FLNB: variants seen among roughly 807,000 people sequenced by gnomAD.
The protein encoded by FLNB is filamin B, also known as filamin-B.
In FLNB, 111 loss-of-function variants were observed where a neutral mutation model predicts 250.6. The ratio of observed to expected loss-of-function variants is 0.44; its 90% confidence interval spans 0.38 to 0.52. The LOEUF is 0.52. Among genes scored for constraint, FLNB ranks in the 20% least tolerant of loss-of-function variants. FLNB has a pLI of 0.00. For missense variants in FLNB, 2,869 were observed against 3,447.8 expected (o/e 0.83, Z 4.20); for synonymous variants, 1,302 against 1,372.1 (o/e 0.95, Z 1.13).
chr3:58,149,725 ATTGC>A lies in FLNB; in HGVS notation c.6092-122_6092-119del, dbSNP rs564543851. 2.9e-3 allele frequency: 3,678 copies of A among 1,274,858 alleles called. 10 individuals carry two copies. Among genetic ancestry groups the A allele is most frequent in the Admixed American group, 4.8e-3 (246 of 51,154 alleles). The allele number at this position is 1,274,858 out of a possible 1,614,324, so 79.0% of individuals were successfully genotyped here. A position where few individuals can be genotyped will look rare whatever the true frequency, so the allele number is the denominator to read the frequency against. The stretch of plus-strand genomic sequence containing the variant: ...TCTGGGCTTTGCAAACGAGGCCGCC[ATTGC>A]TTTCTTTCTGCTATGTAGAAATAGA... On this transcript the variant is annotated intron_variant, in intron 36 of 45. Transcript: ENST00000295956.
At chr3:58,111,671 G>A in intron 16 of FLNB, 120 bp from the exon 17 acceptor site, 1 of 746,542 alleles carries the variant, frequency 1.3e-6, no homozygotes, top group Admixed American at 2.0e-5. Flanking sequence ...TGTGGTAATA[G>A]AAGTCTGCTC....
chr3:58,121,196 C>T lies in FLNB; in HGVS notation c.2864-45C>T, dbSNP rs774269138. ...TCTGTGCTCTGGATTGTTCCTGCTG[C>T]TGAAAAGGGTCAGCTCTTCACCTCA... On this transcript the variant is annotated intron_variant, in intron 19 of 45. Transcript: ENST00000295956. The T allele has an allele frequency of 9.9e-6, 16 of 1,613,540 alleles. 1 individual carries two copies. Among genetic ancestry groups the T allele is most frequent in the Middle Eastern group, 3.3e-4 (2 of 6,042 alleles).
At chr3:58,018,860 G>A (rs1306008810) in intron 1 of FLNB, among the ~76,000 whole-genome samples, 2 of 151,122 alleles carry the variant, frequency 1.3e-5, no homozygotes, top group Admixed American at 1.3e-4. Flanking sequence ...TAGGTGTGGT[G>A]GTACATGCCT....
rs1248023848 is a variant in FLNB, at chr3:58,042,892, A to C, written c.292+34036A>C. Among the ~76,000 whole-genome samples, 3 of 151,882 alleles carry C rather than the reference A, an allele frequency of 2.0e-5. No individual in the cohort carries two copies. In the East Asian group the frequency reaches 5.8e-4, roughly 29 times the overall value. On this transcript the variant is annotated intron_variant, in intron 1 of 45. Transcript: ENST00000295956. ...ACCCGACTTGTGATTTTCTACTGGG[A>C]ATGTTTGTTTGTGATGGTTAGCAGG...
intron 1 of FLNB, among the ~76,000 whole-genome samples, chr3:58,072,060 A>G (rs1402445153): frequency 6.6e-6 from 1 of 152,230 alleles, no homozygotes; most frequent in African/African-American, 2.4e-5. Context: ...CAGAATTTGC[A>G]GTAGCTCAAA....
intron 24 of FLNB, among the ~76,000 whole-genome samples, chr3:58,128,429 T>C (rs1355219426): frequency 6.6e-6 from 1 of 152,156 alleles, no homozygotes; most frequent in Non-Finnish European, 1.5e-5. Flanking sequence ...ATCACTAGTC[T>C]AGGGGACTTC....
At position 58,094,888 on chromosome 3, in the gene FLNB, C is replaced by A. The variant is rs1471477791; in HGVS notation, c.840C>A (p.Asp280Glu). ...MVKQPAKFTV[D>E]TISAGQGDVM... The stretch of plus-strand genomic sequence containing the variant: ...AGCAGCCAGCCAAGTTCACTGTGGA[C>A]ACCATCAGCGCCGGGCAAGGAGACG... Residue 280 changes from aspartate (D) to glutamate (E), a missense_variant, in exon 5 of 46, where the codon GAC (aspartate) becomes GAA (glutamate). By Grantham distance (45) the Asp-to-Glu change is conservative. Around this residue, in one of 5 missense-constraint regions of FLNB, gnomAD observed 308 missense variants for 466.1 expected, o/e 0.66. Transcript: ENST00000295956. 6.2e-7 allele frequency: 1 copy of A among 1,614,150 alleles called. No individual in the cohort carries two copies. The highest frequency in any genetic ancestry group is 2.2e-5 in the East Asian group (1 of 44,878).
intron 8 of FLNB, among the ~76,000 whole-genome samples, chr3:58,099,825 ACT>A (rs1486117983): frequency 2.0e-5 from 3 of 151,178 alleles, no homozygotes; most frequent in African/African-American, 4.9e-5. Context: ...ATTTTAGGAA[ACT>A]CTGTGCAGGT....
chr3:58,141,949 C>T lies in FLNB; in HGVS notation c.5181+20C>T. The T allele has an allele frequency of 6.2e-7, 1 of 1,606,334 alleles. No homozygotes were observed. Among genetic ancestry groups the T allele is most frequent in the Non-Finnish European group, 8.5e-7 (1 of 1,172,924 alleles). ...CCCTGGGTACAATTTTGGTTTTTTC[C>T]TTTTTGTGTTTCTGTGTTTACTCAG... On this transcript the variant is annotated intron_variant, in intron 30 of 45. Transcript: ENST00000295956.
At chr3:58,155,864 T>C in intron 40 of FLNB, 96 bp from the exon 41 acceptor site, 1 of 806,470 alleles carries the variant, frequency 1.2e-6, no homozygotes, top group Non-Finnish European at 2.1e-6. Flanking sequence ...TGAGGAGGGC[T>C]GGGTCTCTCT....
intron 39 of FLNB, 64 bp downstream of exon 39, chr3:58,153,705 C>T: frequency 2.5e-6 from 4 of 1,586,862 alleles, no homozygotes; most frequent in South Asian, 1.1e-5. Context: ...AGTGTGGGCA[C>T]CCACATACTT....
At chr3:58,019,309 C>G (rs1262237554) in intron 1 of FLNB, among the ~76,000 whole-genome samples, 2 of 152,178 alleles carry the variant, frequency 1.3e-5, no homozygotes, top group African/African-American at 4.8e-5. Context: ...AGCCCCACTC[C>G]CTGTCTGTCC....
intron 1 of FLNB, among the ~76,000 whole-genome samples, chr3:58,073,911 T>C (rs1337917457): frequency 1.3e-5 from 2 of 152,230 alleles, no homozygotes; most frequent in Non-Finnish European, 2.9e-5. Context: ...TGAGGCCTTC[T>C]GCATAGGCAA....
At chr3:58,079,289 G>T (rs1359035807) in intron 3 of FLNB, among the ~76,000 whole-genome samples, 2 of 141,150 alleles carry the variant, frequency 1.4e-5, no homozygotes, top group Admixed American at 7.3e-5. Context: ...GTCTCGCTTT[G>T]TCGCCCAGGC....
chr3:58,080,351 G>A (rs1331598479), intron 3 of FLNB, among the ~76,000 whole-genome samples: 1 of 152,190 alleles, frequency 6.6e-6, no homozygotes, highest in Non-Finnish European at 1.5e-5. Context: ...ACTGGAGGCA[G>A]GGAGGACTCT....
intron 1 of FLNB, among the ~76,000 whole-genome samples, chr3:58,043,102 T>C (rs1010254947): frequency 6.6e-6 from 1 of 151,818 alleles, no homozygotes; most frequent in South Asian, 2.1e-4. Context: ...AAACTCTAGC[T>C]ATGTAAACTG....
chr3:58,042,649 G>A (rs1216997902), intron 1 of FLNB, among the ~76,000 whole-genome samples: 1 of 151,932 alleles, frequency 6.6e-6, no homozygotes, highest in Non-Finnish European at 1.5e-5. Flanking sequence ...CAAGTAGCTG[G>A]GAGGCTACTT....
chr3:58,083,745 T>G (rs906966498), intron 4 of FLNB, among the ~76,000 whole-genome samples: 1 of 152,190 alleles, frequency 6.6e-6, no homozygotes, highest in South Asian at 2.1e-4. Context: ...GACCGGCAGA[T>G]AGTTCTGGAA....
chr3:58,131,997 G>A lies in FLNB; in HGVS notation c.4391-811G>A, dbSNP rs60183346. Reference sequence around the variant, plus strand: ...TTTCAGAGTTCTTTAAAGGTGACCCGAAGGGTGACTTTAATAAGACAGGTT... The same window carrying A: ...TTTCAGAGTTCTTTAAAGGTGACCCAAAGGGTGACTTTAATAAGACAGGTT... On this transcript the variant is annotated intron_variant, in intron 25 of 45. Coordinates refer to ENST00000295956, the MANE Select transcript of FLNB (RefSeq NM_001457.4). The A allele has an allele frequency of 0.033, 51,047 of 1,535,806 alleles. 3,297 individuals carry two copies. In the East Asian group the frequency reaches 0.34, roughly 10 times the overall value.
Sources: gnomAD v4.1 joint callset for allele counts (sites outside exome capture counted in the v4.1 genomes callset) on GRCh38, gnomAD v4.1.1 for gene constraint, gnomAD v4.1.1 regional missense constraint, MANE v1.5 for transcripts, NCBI Gene and HGNC (gene_info 2026-07-23, HGNC 2026-07-21) for gene names.